POC1B: variants seen among roughly 807,000 people sequenced by gnomAD.
POC1B encodes POC1 centriolar protein B, also known as POC1 centriolar protein homolog B.
In POC1B, 44 loss-of-function variants were observed where a neutral mutation model predicts 60.6. That is an observed-to-expected ratio of 0.73 (90% CI 0.57 to 0.93). POC1B has a LOEUF of 0.93. Among genes scored for constraint, POC1B ranks in the 40% least tolerant of loss-of-function variants. The pLI is 0.00. For missense variants in POC1B, 555 were observed against 572.3 expected (o/e 0.97, Z 0.31); for synonymous variants, 180 against 198.9 (o/e 0.90, Z 0.80).
intron 1 of POC1B, 26 bp downstream of exon 1, chr12:89,525,855 C>CA: frequency 1.2e-6 from 1 of 844,984 alleles, no homozygotes; most frequent in East Asian, 3.6e-5. Context: ...AGGGAGGGAC[C>CA]CCCCCCACCT....
At chr12:89,450,395 A>C (rs1430378409) in intron 10 of POC1B, among the ~76,000 whole-genome samples, 1 of 152,172 alleles carries the variant, frequency 6.6e-6, no homozygotes. Flanking sequence ...TTTAGTAGAG[A>C]CAGGGTTTCG....
chr12:89,491,624 C>CAAAAAAAAAAAAAA (rs1277603995), intron 4 of POC1B, among the ~76,000 whole-genome samples: 1 of 54,458 alleles, frequency 1.8e-5, no homozygotes. Flanking sequence ...GACCGTGTCT[C>CAAAAAAAAAAAAAA]AAAAAAAAAA....
At chr12:89,432,606 G>A (rs1351437585) in intron 10 of POC1B, among the ~76,000 whole-genome samples, 1 of 152,058 alleles carries the variant, frequency 6.6e-6, no homozygotes. Flanking sequence ...GTAGATATGT[G>A]ATGTAATGCT....
chr12:89,497,205 G>C lies in POC1B; in HGVS notation c.238C>G (p.Arg80Gly), dbSNP rs769102771. 1 of 1,613,784 alleles carries C rather than the reference G, an allele frequency of 6.2e-7. No homozygotes were observed. The highest frequency in any genetic ancestry group is 2.2e-5 in the East Asian group (1 of 44,902). The change falls in exon 3 of 12, where the codon CGA becomes GGA. Residue 80 changes from arginine to glycine, a missense_variant. By Grantham distance (125) the Arg-to-Gly change is moderately radical. Transcript: ENST00000313546. ...PHGNLLASASRDRTVRLWIPD... is the reference protein window; with the variant it reads ...PHGNLLASASGDRTVRLWIPD... ...ATCCAGAGTCTCACGGTTCTGTCTC[G>C]TGAGGCAGACGCCAATAAGTTTCCA...
At chr12:89,426,094 G>C (rs1335922403) in intron 10 of POC1B, 1 of 152,172 alleles carries the variant, frequency 6.6e-6, no homozygotes, top group Non-Finnish European at 1.5e-5. Flanking sequence ...TTATAACATG[G>C]ATACATCTTG....
intron 10 of POC1B, among the ~76,000 whole-genome samples, chr12:89,449,171 T>C (rs1181859692): frequency 6.6e-6 from 1 of 152,206 alleles, no homozygotes; most frequent in Non-Finnish European, 1.5e-5. Context: ...GTCTGTCCTC[T>C]GAGGTTGTTT....
chr12:89,430,777 C>T (rs1880996854), intron 10 of POC1B, among the ~76,000 whole-genome samples: 1 of 152,132 alleles, frequency 6.6e-6, no homozygotes. Context: ...ACTTTATCAT[C>T]TCAGGTGCTT....
chr12:89,497,525 T>C (rs1478146002), intron 2 of POC1B, among the ~76,000 whole-genome samples, 183 bp from the exon 3 acceptor site: 1 of 152,210 alleles, frequency 6.6e-6, no homozygotes, highest in African/African-American at 2.4e-5. Context: ...ATCACTAATA[T>C]GCAAGCTTGG....
chr12:89,514,402 C>CTTTTTTTTTTTT lies in POC1B; in HGVS notation c.100+10706_100+10717dup, dbSNP rs60679774. Among the ~76,000 whole-genome samples, 51 of 67,090 alleles carry CTTTTTTTTTTTT rather than the reference C, an allele frequency of 7.6e-4. 5 individuals carry two copies. The highest frequency in any genetic ancestry group is 1.4e-3 in the East Asian group (3 of 2,084). 44.0% of individuals were successfully genotyped at this position (67,090 alleles called of 152,430 possible). On this transcript the variant is annotated intron_variant, in intron 2 of 11. Coordinates refer to ENST00000313546, the MANE Select transcript of POC1B (RefSeq NM_172240.3). Reference sequence around the variant, plus strand: ...ATAAGTTACTCAGTTTCATGTATTTCTTTTTTTTTTTTTTTTTTTTTTTTT... The same window carrying CTTTTTTTTTTTT: ...ATAAGTTACTCAGTTTCATGTATTTCTTTTTTTTTTTTTTTTTTTTTTTTTTTTTTTTTTTTT...
At chr12:89,415,324 A>G (rs1035328779), downstream of POC1B, among the ~76,000 whole-genome samples, 3 of 152,200 alleles carry the variant, frequency 2.0e-5, no homozygotes, top group Non-Finnish European at 4.4e-5. Flanking sequence ...TTGGAAATGG[A>G]GTCCAGAGAA....
chr12:89,415,630 G>C (rs914582680), downstream of POC1B, among the ~76,000 whole-genome samples: 2 of 148,856 alleles, frequency 1.3e-5, no homozygotes, highest in African/African-American at 5.0e-5. Flanking sequence ...GCGACACAGC[G>C]AGACTCCGTC....
intron 2 of POC1B, chr12:89,501,034 G>A: frequency 9.6e-7 from 1 of 1,040,448 alleles, no homozygotes; most frequent in Non-Finnish European, 1.5e-6. Context: ...TCAGATCAAA[G>A]TTTTGCCAGT....
At chr12:89,497,588 C>T (rs1869322231) in intron 2 of POC1B, among the ~76,000 whole-genome samples, 1 of 152,148 alleles carries the variant, frequency 6.6e-6, no homozygotes, top group South Asian at 2.1e-4. Flanking sequence ...ATTCAATTAG[C>T]GCTCAGTAAC....
At chr12:89,514,914 C>G (rs10777182) in intron 2 of POC1B, among the ~76,000 whole-genome samples, 108,849 of 151,864 alleles carry the variant, frequency 0.72, 39,143 homozygotes, top group Middle Eastern at 0.81. Context: ...ACCTGGTACC[C>G]ACGCCTTCTC....
chr12:89,516,468 G>T (rs952750453), intron 2 of POC1B, among the ~76,000 whole-genome samples: 2 of 152,068 alleles, frequency 1.3e-5, no homozygotes, highest in Non-Finnish European at 2.9e-5. Flanking sequence ...TCATCTGCTG[G>T]TATTACTATA....
intron 10 of POC1B, among the ~76,000 whole-genome samples, chr12:89,456,182 G>A (rs1437809850): frequency 2.0e-5 from 3 of 151,976 alleles, no homozygotes; most frequent in Admixed American, 6.6e-5. Flanking sequence ...CACCACGCCC[G>A]GCTAATTTTT....
intron 10 of POC1B, among the ~76,000 whole-genome samples, chr12:89,438,366 A>G (rs1394169688): frequency 6.6e-6 from 1 of 151,864 alleles, no homozygotes; most frequent in African/African-American, 2.4e-5. Flanking sequence ...CTGAGGCAGG[A>G]GAATGGCGTG....
At chr12:89,480,044 A>T (rs1310941122) in intron 4 of POC1B, among the ~76,000 whole-genome samples, 3 of 152,088 alleles carry the variant, frequency 2.0e-5, no homozygotes, top group South Asian at 2.1e-4. Context: ...TGGGCTTTAT[A>T]TGACCTCTTT....
intron 2 of POC1B, chr12:89,524,336 G>A (rs975352759): frequency 5.0e-6 from 8 of 1,613,886 alleles, no homozygotes; most frequent in East Asian, 2.2e-5. Flanking sequence ...CCAAGTGCAC[G>A]GGAATCTGCA....
Sources: allele counts gnomAD v4.1 joint callset (sites outside exome capture counted in the v4.1 genomes callset), GRCh38; gene constraint gnomAD v4.1.1; transcripts MANE v1.5; gene names NCBI Gene and HGNC (gene_info 2026-07-23, HGNC 2026-07-21).